PCED1B: variants seen among roughly 807,000 people sequenced by gnomAD.
PCED1B encodes PC-esterase domain containing 1B.
For synonymous variants in PCED1B, 251 were observed against 246.1 expected (o/e 1.02, Z -0.19); for missense variants, 573 against 573.9 (o/e 1.00, Z 0.02).
chr12:47,178,648 C>A (rs761151934), intron 2 of PCED1B, among the ~76,000 whole-genome samples: 1 of 152,128 alleles, frequency 6.6e-6, no homozygotes, highest in South Asian at 2.1e-4. Context: ...GTGGGCAAAT[C>A]ACAAGGTCAG....
At chr12:47,089,461 C>CATACATAT (rs1938155457) in intron 1 of PCED1B, among the ~76,000 whole-genome samples, 2 of 63,414 alleles carry the variant, frequency 3.2e-5, no homozygotes, top group Non-Finnish European at 2.9e-5. Context: ...AAAAAAAATA[C>CATACATAT]ATATATATAT....
chr12:47,226,969 C>T (rs1943650550), intron 3 of PCED1B, among the ~76,000 whole-genome samples: 1 of 151,888 alleles, frequency 6.6e-6, no homozygotes, highest in Non-Finnish European at 1.5e-5. Context: ...CTATTCACTC[C>T]CCTAAAAGAG....
Position 47,235,418 on chromosome 12 carries a change from G to A in PCED1B, c.355G>A (p.Val119Ile). 6.2e-7 allele frequency: 1 copy of A among 1,614,190 alleles called. No homozygotes were observed. Among genetic ancestry groups the A allele is most frequent in the South Asian group, 1.1e-5 (1 of 91,086 alleles). The change falls in exon 4 of 4, where the codon GTC (valine) becomes ATC (isoleucine). Residue 119 changes from valine (V) to isoleucine (I), a missense_variant. Transcript: ENST00000546455. ...GTCGGGCGAGCACGCCCCCGACCTG[G>A]TCATCATGAATTCCTGCCTCTGGGA... ...LQSGEHAPDL[V>I]IMNSCLWDIS...
chr12:47,087,329 G>A (rs542512235), intron 1 of PCED1B, among the ~76,000 whole-genome samples: 6 of 152,194 alleles, frequency 3.9e-5, no homozygotes, highest in Non-Finnish European at 7.3e-5. Flanking sequence ...TCTAATGAGG[G>A]CCATGGGGCT....
intron 2 of PCED1B, among the ~76,000 whole-genome samples, chr12:47,136,479 A>T (rs1940376812): frequency 6.6e-6 from 1 of 152,228 alleles, no homozygotes; most frequent in Admixed American, 6.5e-5. Context: ...AGAAGGCAGC[A>T]TGATGTACCC....
intron 3 of PCED1B, among the ~76,000 whole-genome samples, chr12:47,231,770 G>A (rs2137899038): frequency 6.6e-6 from 1 of 152,160 alleles, no homozygotes; most frequent in East Asian, 1.9e-4. Flanking sequence ...GCCAGCTTCC[G>A]GGACAGAACT....
chr12:47,191,810 C>G (rs10881073), intron 2 of PCED1B, among the ~76,000 whole-genome samples: 2 of 149,772 alleles, frequency 1.3e-5, no homozygotes, highest in South Asian at 4.2e-4. Flanking sequence ...TTGTGTTGTG[C>G]TTTTTTTTTT....
Position 47,236,584 on chromosome 12 carries a change from C to T in PCED1B, c.*222C>T, listed in dbSNP as rs1943994875. The T allele has an allele frequency of 4.1e-6, 2 of 493,004 alleles. No homozygotes were observed. Among genetic ancestry groups the T allele is most frequent in the African/African-American group, 2.0e-5 (1 of 50,784 alleles). 30.5% of individuals were successfully genotyped at this position (493,004 alleles called of 1,614,324 possible). ...TCCCCACTTCCTGGGAGTGACCCAG[C>T]GTTATTCCTGCCTCCTCACTCCTAT... On this transcript the variant is annotated 3_prime_UTR_variant, in exon 4 of 4. Transcript: ENST00000546455.
intron 2 of PCED1B, among the ~76,000 whole-genome samples, chr12:47,154,041 A>G (rs146014580): frequency 5.3e-5 from 8 of 152,318 alleles, no homozygotes; most frequent in Non-Finnish European, 1.0e-4. Flanking sequence ...AACGTATTAC[A>G]TCATTGATGG....
Position 47,137,730 on chromosome 12 carries a change from T to TA in PCED1B, c.-526+33548dup, listed in dbSNP as rs71077122. Among the ~76,000 whole-genome samples, 53 of 98,112 alleles carry TA rather than the reference T, an allele frequency of 5.4e-4. 1 individual carries two copies. Among genetic ancestry groups the TA allele is most frequent in the South Asian group, 4.5e-3 (15 of 3,314 alleles). 64.4% of individuals were successfully genotyped at this position (98,112 alleles called of 152,430 possible). ...GTGACAGGGTGAGTGAGGCCCTGTC[T>TA]AAAAAAAAAAAAAGAAAAAAAGAAA... On this transcript the variant is annotated intron_variant, in intron 2 of 3. Coordinates refer to ENST00000546455, the MANE Select transcript of PCED1B (RefSeq NM_138371.3).
At chr12:47,109,932 C>T (rs1281163972) in intron 2 of PCED1B, among the ~76,000 whole-genome samples, 3 of 152,084 alleles carry the variant, frequency 2.0e-5, no homozygotes. Flanking sequence ...GTAGTAAACA[C>T]CTCTATGATT....
intron 2 of PCED1B, among the ~76,000 whole-genome samples, chr12:47,158,654 C>T (rs1018748274): frequency 1.3e-5 from 2 of 152,044 alleles, no homozygotes; most frequent in African/African-American, 4.8e-5. Flanking sequence ...TATTGATAGA[C>T]AATATTGGTA....
At chr12:47,234,601 T>C (rs1943912926) in intron 3 of PCED1B, among the ~76,000 whole-genome samples, 1 of 152,200 alleles carries the variant, frequency 6.6e-6, no homozygotes, top group Non-Finnish European at 1.5e-5. Flanking sequence ...GTCCTCATTA[T>C]CTAACAGTGG....
intron 3 of PCED1B, among the ~76,000 whole-genome samples, chr12:47,219,661 C>T (rs988294694): frequency 2.3e-4 from 35 of 152,218 alleles, no homozygotes; most frequent in African/African-American, 8.2e-4. Context: ...TGATGAAAAT[C>T]GAACTAAGTT....
At chr12:47,145,585 G>A (rs1033034089) in intron 2 of PCED1B, among the ~76,000 whole-genome samples, 3 of 152,146 alleles carry the variant, frequency 2.0e-5, no homozygotes, top group African/African-American at 4.8e-5. Flanking sequence ...TGAAGCTAAT[G>A]CTCATTTAGC....
At chr12:47,139,832 G>A (rs1940525203) in intron 2 of PCED1B, among the ~76,000 whole-genome samples, 1 of 152,086 alleles carries the variant, frequency 6.6e-6, no homozygotes, top group Non-Finnish European at 1.5e-5. Context: ...ATTTTTCTGT[G>A]CTTGGTGGAG....
rs531046497 is a variant in PCED1B at position 47,128,925 on chromosome 12, G to A, written c.-526+24730G>A. ...TTTATAAGGACACTTGGGAAAGTGC[G>A]GAAGTGCAGAAAGCCATCTCTGAAT... is the stretch of plus-strand genomic sequence containing the variant. On this transcript the variant is annotated intron_variant, in intron 2 of 3. Transcript: ENST00000546455. Among the ~76,000 whole-genome samples the A allele has an allele frequency of 9.2e-5, 14 of 152,310 alleles. No individual in the cohort carries two copies. The South Asian group carries it at 1.0e-3, about 11-fold the overall frequency.
At chr12:47,174,407 C>CAA (rs202246828) in intron 2 of PCED1B, among the ~76,000 whole-genome samples, 2,164 of 124,160 alleles carry the variant, frequency 0.017, 48 homozygotes, top group African/African-American at 0.054. Context: ...AGACTCAATC[C>CAA]AAAAAAAAAA....
intron 2 of PCED1B, among the ~76,000 whole-genome samples, chr12:47,181,234 C>T (rs1215443314): frequency 1.3e-5 from 2 of 152,122 alleles, no homozygotes; most frequent in East Asian, 1.9e-4. Flanking sequence ...ATCCTCCCAC[C>T]TCAGTCTCTC....
Sources: gnomAD v4.1 joint callset for allele counts (sites outside exome capture counted in the v4.1 genomes callset) on GRCh38, gnomAD v4.1.1 for gene constraint, MANE v1.5 for transcripts, NCBI Gene and HGNC (gene_info 2026-07-23, HGNC 2026-07-21) for gene names.